Variants in SYN3 observed in about 807,000 individuals in gnomAD.
SYN3 encodes synapsin-3.
In SYN3, 35 loss-of-function variants were observed where a neutral mutation model predicts 65.8. The observed-to-expected ratio is 0.53, with a 90% CI of 0.41 to 0.70. The LOEUF is 0.70. Ranked by LOEUF, SYN3 falls within the 30% of genes least tolerant of loss-of-function variation. The pLI is 0.00. For synonymous variants in SYN3, 270 were observed against 292.9 expected (o/e 0.92, Z 0.80); for missense variants, 680 against 749.0 (o/e 0.91, Z 1.08).
intron 4 of SYN3, among the ~76,000 whole-genome samples, chr22:32,875,306 G>T (rs1465288152): frequency 1.3e-5 from 2 of 152,200 alleles, no homozygotes; most frequent in African/African-American, 4.8e-5. Context: ...AAAGTGCTAG[G>T]AGGTTAATAA....
intron 2 of SYN3, among the ~76,000 whole-genome samples, chr22:32,987,744 A>G (rs1305005656): frequency 2.0e-5 from 3 of 152,188 alleles, no homozygotes; most frequent in African/African-American, 4.8e-5. Flanking sequence ...CACAATTCAC[A>G]TCACTTATTC....
intron 3 of SYN3, among the ~76,000 whole-genome samples, chr22:32,975,147 C>T (rs1370978609): frequency 1.3e-5 from 2 of 152,064 alleles, no homozygotes; most frequent in African/African-American, 2.4e-5. Context: ...GAGGCTCAGG[C>T]GGGTGGATCA....
chr22:32,575,857 C>T (rs1478843356), intron 7 of SYN3, among the ~76,000 whole-genome samples: 1 of 151,918 alleles, frequency 6.6e-6, no homozygotes, highest in Non-Finnish European at 1.5e-5. Context: ...TAAAGTTCCC[C>T]TTCTTTCCTC....
chr22:32,710,638 A>G (rs568645890), intron 6 of SYN3, among the ~76,000 whole-genome samples: 12 of 149,204 alleles, frequency 8.0e-5, no homozygotes, highest in African/African-American at 3.0e-4. Flanking sequence ...GTCTCAAAAA[A>G]AAAAAAAAAA....
chr22:32,660,639 T>C (rs1176230344), intron 6 of SYN3, among the ~76,000 whole-genome samples: 4 of 152,204 alleles, frequency 2.6e-5, no homozygotes, highest in African/African-American at 9.6e-5. Context: ...TCTGGCTGCC[T>C]TCTGGAGCTC....
At chr22:32,553,751 G>C (rs78029127) in intron 7 of SYN3, among the ~76,000 whole-genome samples, 1 of 152,194 alleles carries the variant, frequency 6.6e-6, no homozygotes, top group African/African-American at 2.4e-5. Context: ...GGGACACCCA[G>C]TGAGGTGGGG....
In SYN3 at chr22:32,643,552, G is replaced by T. The variant is rs1007255706; in HGVS notation, c.712-46816C>A. 4.4e-4 allele frequency among the ~76,000 whole-genome samples: 57 copies of T among 128,756 alleles called. 2 individuals are homozygous for T. The East Asian group carries it at 0.013, about 29-fold the overall frequency. 84.5% of individuals were successfully genotyped at this position (128,756 alleles called of 152,430 possible). On this transcript the variant is annotated intron_variant, in intron 6 of 13. Transcript: ENST00000358763. ...TGAGAGGGCAAATTAGAAATGGTGG[G>T]GGGGCGGGGGGGGCAGAACAGACCC...
chr22:32,670,154 T>C (rs374493239), intron 6 of SYN3, among the ~76,000 whole-genome samples: 14 of 152,370 alleles, frequency 9.2e-5, no homozygotes, highest in Non-Finnish European at 1.6e-4. Context: ...CTTGGAAAGA[T>C]TTCAGGATTG....
At chr22:32,557,239 C>A (rs943832509) in intron 7 of SYN3, among the ~76,000 whole-genome samples, 1 of 151,410 alleles carries the variant, frequency 6.6e-6, no homozygotes, top group Non-Finnish European at 1.5e-5. Flanking sequence ...GATACATGAA[C>A]AGATAATTCT....
chr22:32,693,263 C>T (rs988362267), intron 6 of SYN3, among the ~76,000 whole-genome samples: 1 of 152,298 alleles, frequency 6.6e-6, no homozygotes, highest in South Asian at 2.1e-4. Context: ...CCCGTGACAC[C>T]ACCACTGTCG....
At chr22:32,568,946 G>A (rs1029475680) in intron 7 of SYN3, among the ~76,000 whole-genome samples, 2 of 152,192 alleles carry the variant, frequency 1.3e-5, no homozygotes, top group Admixed American at 6.5e-5. Context: ...CATTTGATGG[G>A]TGTTTAGGCT....
In SYN3 at chr22:32,603,474, C is replaced by T. The variant is rs559613026; in HGVS notation, c.712-6738G>A. Among the ~76,000 whole-genome samples the T allele has an allele frequency of 6.0e-4, 90 of 149,768 alleles. 1 individual carries two copies. Among genetic ancestry groups the T allele is most frequent in the South Asian group, 5.9e-3 (28 of 4,718 alleles). ...GGTGGAGCTTTCAGTGAGCCGAGAT[C>T]GTGCCACTGCACTCCAGCCTGGGCG... On this transcript the variant is annotated intron_variant, in intron 6 of 13. Coordinates refer to ENST00000358763, the MANE Select transcript of SYN3 (RefSeq NM_003490.4).
intron 7 of SYN3, among the ~76,000 whole-genome samples, chr22:32,589,483 A>C (rs1041410895): frequency 2.0e-5 from 3 of 152,184 alleles, no homozygotes; most frequent in Admixed American, 6.5e-5. Context: ...TCTCTATTTC[A>C]GGGGGTGCAA....
intron 6 of SYN3, among the ~76,000 whole-genome samples, chr22:32,634,493 A>G (rs2059788044): frequency 6.6e-6 from 1 of 152,194 alleles, no homozygotes; most frequent in African/African-American, 2.4e-5. Flanking sequence ...CGTGAAAAGG[A>G]TTCTCAGTTA....
chr22:33,052,846 C>T (rs946216598), intron 1 of SYN3, among the ~76,000 whole-genome samples: 2 of 152,222 alleles, frequency 1.3e-5, no homozygotes, highest in Non-Finnish European at 2.9e-5. Flanking sequence ...GGTTCCTGAA[C>T]TTGCTTTTAT....
At position 32,689,038 on chromosome 22, in the gene SYN3, AAC is replaced by A. The variant is rs2060629212; in HGVS notation, c.712-92304_712-92303del. Reference sequence around the variant, plus strand: ...ATGTATCTTTGGGATTTGTGGTGGAAACACACAGCACATAATAGGCAATCTAA... The same window carrying A: ...ATGTATCTTTGGGATTTGTGGTGGAAACACAGCACATAATAGGCAATCTAA... On this transcript the variant is annotated intron_variant, in intron 6 of 13. Transcript: ENST00000358763. 2.6e-5 allele frequency among the ~76,000 whole-genome samples: 4 copies of A among 152,340 alleles called. No individual in the cohort carries two copies. In the South Asian group the frequency reaches 8.3e-4, roughly 32 times the overall value.
chr22:32,561,649 C>T (rs1021043403), intron 7 of SYN3, among the ~76,000 whole-genome samples: 7 of 152,192 alleles, frequency 4.6e-5, no homozygotes, highest in African/African-American at 1.4e-4. Flanking sequence ...GCCACTCACC[C>T]GTCCCCGGAG....
At chr22:32,781,640 AAGGAGGTG>A (rs2046066984) in intron 6 of SYN3, among the ~76,000 whole-genome samples, 2 of 151,416 alleles carry the variant, frequency 1.3e-5, no homozygotes, top group African/African-American at 4.9e-5. Flanking sequence ...GCAAACACCT[AAGGAGGTG>A]TTACTTAGGT....
At chr22:32,834,326 T>TA (rs111825455) in intron 6 of SYN3, among the ~76,000 whole-genome samples, 27,484 of 150,992 alleles carry the variant, frequency 0.18, 3,025 homozygotes, top group East Asian at 0.33. Context: ...CTAATTTATT[T>TA]TTTTTTTTGT....
Sources: allele counts gnomAD v4.1 joint callset (sites outside exome capture counted in the v4.1 genomes callset), GRCh38; gene constraint gnomAD v4.1.1; transcripts MANE v1.5; gene names NCBI Gene and HGNC (gene_info 2026-07-23, HGNC 2026-07-21).